TBXAS1: variants seen among roughly 807,000 people sequenced by gnomAD.
TBXAS1 encodes thromboxane A synthase 1.
TBXAS1 carries 48 observed loss-of-function variants against 60.7 expected under a neutral mutation model. That is an observed-to-expected ratio of 0.79 (90% confidence interval 0.63 to 1.01). The LOEUF is 1.01. Among genes scored for constraint, TBXAS1 ranks in the 50% least tolerant of loss-of-function variants. The pLI is 0.00. For synonymous variants in TBXAS1, 287 were observed against 269.7 expected, an observed-to-expected ratio of 1.06 and a Z score of -0.63; for missense variants, 685 against 686.3, an observed-to-expected ratio of 1.00 and a Z score of 0.02.
intron 1 of TBXAS1, among the ~76,000 whole-genome samples, chr7:139,867,557 C>T (rs746403427): frequency 1.8e-4 from 28 of 152,172 alleles, no homozygotes; most frequent in Non-Finnish European, 3.7e-4. Context: ...GTGGTTCACA[C>T]ACTTTGGAAT....
At position 139,936,242 on chromosome 7, in the gene TBXAS1, G is replaced by T; in HGVS notation, c.385G>T (p.Asp129Tyr). ...AGCCGACAGCGTTCTGTTTTTACGTGACAAAAGATGGGAAGAGGTCAGAGG... is the reference window on the plus strand; with the variant it reads ...AGCCGACAGCGTTCTGTTTTTACGTTACAAAAGATGGGAAGAGGTCAGAGG... The part of the protein sequence containing the change: ...SVADSVLFLR[D>Y]KRWEEVRGAL... The change falls in exon 5 of 13, where the codon GAC becomes TAC. Residue 129 changes from aspartate (D) to tyrosine (Y), a missense_variant. Physicochemically the swap from Asp to Tyr is radical, Grantham distance 160. Transcript: ENST00000448866. 6.2e-7 allele frequency: 1 copy of T among 1,614,194 alleles called. No homozygotes were observed. Among genetic ancestry groups the T allele is most frequent in the South Asian group, 1.1e-5 (1 of 91,066 alleles).
At chr7:139,781,855 A>G in intron 2 of TBXAS1, among the ~76,000 whole-genome samples, 1 of 146,848 alleles carries the variant, frequency 6.8e-6, no homozygotes, top group Non-Finnish European at 1.5e-5. Flanking sequence ...AAAAAAAAAA[A>G]AAAAAGGCAG....
At chr7:139,948,014 G>T (rs1025128917) in intron 5 of TBXAS1, among the ~76,000 whole-genome samples, 1 of 152,084 alleles carries the variant, frequency 6.6e-6, no homozygotes, top group Non-Finnish European at 1.5e-5. Context: ...GCTGGCACGG[G>T]CCACCACACC....
intron 1 of TBXAS1, among the ~76,000 whole-genome samples, chr7:139,849,642 G>A (rs568887715): frequency 9.9e-5 from 15 of 152,164 alleles, no homozygotes; most frequent in East Asian, 7.7e-4. Flanking sequence ...GACTGATGAC[G>A]GAGCATGAGC....
chr7:139,880,962 T>C (rs1430684328), intron 3 of TBXAS1, among the ~76,000 whole-genome samples: 1 of 152,244 alleles, frequency 6.6e-6, no homozygotes, highest in East Asian at 1.9e-4. Flanking sequence ...CATTAAAATG[T>C]GTGGTCACAA....
chr7:139,979,830 T>G (rs934590913), intron 9 of TBXAS1, among the ~76,000 whole-genome samples: 6 of 150,670 alleles, frequency 4.0e-5, no homozygotes, highest in East Asian at 3.9e-4. Flanking sequence ...TTTTTTGGGG[T>G]TTTTTTTATG....
chr7:140,017,847 G>T lies in TBXAS1; in HGVS notation c.1527+14G>T, dbSNP rs766144272. ...CCTGAGACCCAGGTGAGGCCCCCCT[G>T]CTCAGAGGCAGGGGCAGGGGCAGGG... On this transcript the variant is annotated intron_variant, in intron 12 of 12. Coordinates refer to ENST00000448866, the MANE Select transcript of TBXAS1 (RefSeq NM_001061.7). The T allele has an allele frequency of 2.9e-5, 47 of 1,613,894 alleles. No individual in the cohort carries two copies. Among genetic ancestry groups the T allele is most frequent in the Non-Finnish European group, 5.1e-6 (6 of 1,179,920 alleles).
chr7:139,805,425 A>G (rs1797822559), intron 4 of TBXAS1, among the ~76,000 whole-genome samples: 2 of 152,184 alleles, frequency 1.3e-5, no homozygotes, highest in Admixed American at 1.3e-4. Context: ...CACAGCCCCC[A>G]AGGTAGGAGT....
At chr7:139,906,396 T>C (rs1805085513) in intron 3 of TBXAS1, among the ~76,000 whole-genome samples, 1 of 152,146 alleles carries the variant, frequency 6.6e-6, no homozygotes, top group Non-Finnish European at 1.5e-5. Context: ...CCTTCCTGCA[T>C]TGAATTGCTT....
intron 9 of TBXAS1, among the ~76,000 whole-genome samples, chr7:140,006,359 T>C (rs1042641292): frequency 1.5e-4 from 23 of 152,238 alleles, no homozygotes; most frequent in African/African-American, 5.3e-4. Context: ...AGACTGTCAC[T>C]CCAGGAGAGT....
At chr7:139,951,716 T>C (rs536708182) in intron 5 of TBXAS1, among the ~76,000 whole-genome samples, 7 of 137,242 alleles carry the variant, frequency 5.1e-5, no homozygotes, top group Admixed American at 1.5e-4. Flanking sequence ...GAGGTTGCAG[T>C]GAGCCGAGAT....
chr7:139,782,022 A>G (rs1328561445), intron 2 of TBXAS1, among the ~76,000 whole-genome samples: 1 of 151,674 alleles, frequency 6.6e-6, no homozygotes, highest in African/African-American at 2.4e-5. Context: ...GAGGTACCAG[A>G]AAAGAGCACC....
chr7:139,851,645 T>C (rs1050271984), intron 1 of TBXAS1, among the ~76,000 whole-genome samples: 4 of 152,232 alleles, frequency 2.6e-5, no homozygotes, highest in African/African-American at 9.6e-5. Flanking sequence ...GAATAAAGAA[T>C]GGAACAACTA....
intron 5 of TBXAS1, among the ~76,000 whole-genome samples, chr7:139,952,014 A>AAGAAAGAAAG (rs1809449786): frequency 2.5e-5 from 1 of 40,080 alleles, no homozygotes; most frequent in Non-Finnish European, 6.0e-5. Context: ...AAGAAAGAAA[A>AAGAAAGAAAG]AGAAAGGAAG....
intron 4 of TBXAS1, among the ~76,000 whole-genome samples, chr7:139,927,462 G>A (rs1806982344): frequency 6.6e-6 from 1 of 151,854 alleles, no homozygotes; most frequent in African/African-American, 2.4e-5. Context: ...ACTTTTTCTT[G>A]TTTATATCTT....
intron 1 of TBXAS1, among the ~76,000 whole-genome samples, chr7:139,856,688 T>C (rs1462117458): frequency 2.6e-5 from 4 of 152,046 alleles, no homozygotes; most frequent in Non-Finnish European, 1.5e-5. Flanking sequence ...GTAGAAAAAA[T>C]GGCAGCCTTA....
At chr7:139,935,512 G>A (rs1217844134) in intron 4 of TBXAS1, among the ~76,000 whole-genome samples, 1 of 152,110 alleles carries the variant, frequency 6.6e-6, no homozygotes, top group Non-Finnish European at 1.5e-5. Flanking sequence ...GGTTCTTGGG[G>A]TCAGGATTTA....
At chr7:139,790,455 T>C (rs1212620427) in intron 4 of TBXAS1, among the ~76,000 whole-genome samples, 2 of 152,222 alleles carry the variant, frequency 1.3e-5, no homozygotes, top group Non-Finnish European at 2.9e-5. Flanking sequence ...CAAGAAAAAC[T>C]GAAATAATTA....
intron 5 of TBXAS1, among the ~76,000 whole-genome samples, chr7:139,946,981 G>A (rs1808772462): frequency 6.6e-6 from 1 of 152,190 alleles, no homozygotes; most frequent in Non-Finnish European, 1.5e-5. Flanking sequence ...GATTCTGTGA[G>A]TCACCCAAAA....
Sources: allele counts gnomAD v4.1 joint callset (sites outside exome capture counted in the v4.1 genomes callset), GRCh38; gene constraint gnomAD v4.1.1; transcripts MANE v1.5; gene names NCBI Gene and HGNC (gene_info 2026-07-23, HGNC 2026-07-21).